Variants in ARL14EP observed in about 807,000 individuals in gnomAD.
ARL14EP encodes the protein ARL14 effector protein.
A neutral mutation model predicts 23.1 loss-of-function variants in ARL14EP; 12 were observed. That is an observed-to-expected ratio of 0.52 (90% CI 0.33 to 0.84). The LOEUF is 0.84. Ranked by LOEUF, ARL14EP falls within the 40% of genes least tolerant of loss-of-function variation. The probability of loss-of-function intolerance (pLI) is 0.02; values close to 1 mark genes in which losing one functional copy is unlikely to be tolerated. For synonymous variants in ARL14EP, 97 were observed against 102.0 expected (o/e 0.95, Z 0.29); for missense variants, 253 against 307.3 (o/e 0.82, Z 1.32).
Position 30,331,722 on chromosome 11 carries a change from C to CAAGG in ARL14EP, c.426+349_426+352dup, listed in dbSNP as rs368076662. On this transcript the variant is annotated intron_variant, in intron 2 of 3. Transcript: ENST00000282032. ...TAACTACACGGGACATGGCAACCAC[C>CAAGG]AAGGGTCTTTGCAGCAGGATGACTT... 7,371 of 1,084,754 alleles carry CAAGG rather than the reference C, an allele frequency of 6.8e-3. 40 individuals carry two copies. The highest frequency in any genetic ancestry group is 7.7e-3 in the Non-Finnish European group (6,906 of 892,568). 67.2% of individuals were successfully genotyped at this position (1,084,754 alleles called of 1,614,324 possible). A position where few individuals can be genotyped will look rare whatever the true frequency, so the allele number is the denominator to read the frequency against.
chr11:30,331,592 A>G, intron 2 of ARL14EP: 5 of 1,402,874 alleles, frequency 3.6e-6, no homozygotes, highest in South Asian at 3.1e-5. Flanking sequence ...TAATAATAAA[A>G]TATGCCTAAG....
At chr11:30,324,382 A>G (rs905999245) in intron 1 of ARL14EP, among the ~76,000 whole-genome samples, 1 of 152,190 alleles carries the variant, frequency 6.6e-6, no homozygotes, top group Non-Finnish European at 1.5e-5. Flanking sequence ...CCCACTAATA[A>G]GGAGACTGGT....
chr11:30,327,414 A>G (rs976377819), intron 1 of ARL14EP, among the ~76,000 whole-genome samples: 3 of 152,218 alleles, frequency 2.0e-5, no homozygotes, highest in Non-Finnish European at 4.4e-5. Flanking sequence ...TATTATTACT[A>G]TGGACAGATA....
rs372940178 is a variant in ARL14EP at position 30,331,276 on chromosome 11, G to T, written c.328G>T (p.Val110Leu). ...FLSAKFGRQL[V>L]PGWKLCPKCT... ...GAGTGCTAAATTTGGAAGACAGCTT[G>T]TACCTGGTTGGAAGCTTTGTCCAAA... The change falls in exon 2 of 4, where the codon GTA becomes TTA. Residue 110 changes from valine (V) to leucine (L), a missense_variant. Coordinates refer to ENST00000282032, the MANE Select transcript of ARL14EP (RefSeq NM_152316.3). The T allele has an allele frequency of 1.2e-6, 2 of 1,613,982 alleles. No homozygotes were observed. Among genetic ancestry groups the T allele is most frequent in the African/African-American group, 1.3e-5 (1 of 75,040 alleles).
chr11:30,329,441 TTCTCCA>T (rs1371790138), intron 1 of ARL14EP: 1 of 152,174 alleles, frequency 6.6e-6, no homozygotes, highest in Admixed American at 6.5e-5. Flanking sequence ...GGAGATATTT[TTCTCCA>T]TCTGACACCC....
At chr11:30,334,112 A>G (rs1947310355) in intron 3 of ARL14EP, among the ~76,000 whole-genome samples, 1 of 152,118 alleles carries the variant, frequency 6.6e-6, no homozygotes, top group Non-Finnish European at 1.5e-5. Flanking sequence ...GTAAGGAAAG[A>G]AGCCATCTCC....
intron 2 of ARL14EP, 189 bp downstream of exon 2, chr11:30,331,563 G>A: frequency 7.0e-7 from 1 of 1,432,776 alleles, no homozygotes; most frequent in Non-Finnish European, 9.1e-7. Flanking sequence ...GGGGGATAAA[G>A]AAAGTAGGCC....
intron 1 of ARL14EP, among the ~76,000 whole-genome samples, chr11:30,325,740 A>C (rs556168930): frequency 4.1e-4 from 63 of 152,352 alleles, no homozygotes; most frequent in Admixed American, 1.2e-3. Flanking sequence ...TAACCAGTTT[A>C]AATGACAATT....
chr11:30,328,795 T>A (rs1048430404), intron 1 of ARL14EP: 1 of 152,076 alleles, frequency 6.6e-6, no homozygotes, highest in Non-Finnish European at 1.5e-5. Flanking sequence ...TTTTTGTTTT[T>A]TTTTTAATTT....
intron 1 of ARL14EP, among the ~76,000 whole-genome samples, chr11:30,326,831 G>C (rs11031049): frequency 2.0e-5 from 2 of 100,180 alleles, no homozygotes; most frequent in Non-Finnish European, 4.0e-5. Context: ...GTTTTACTCA[G>C]GTGTGTGCAG....
In ARL14EP at chr11:30,331,708, G is replaced by A. The variant is rs1947285482; in HGVS notation, c.426+334G>A. The stretch of plus-strand genomic sequence containing the variant: ...TTCTGATACCAAAGTAACTACACGG[G>A]ACATGGCAACCACCAAGGGTCTTTG... On this transcript the variant is annotated intron_variant, in intron 2 of 3. Coordinates refer to ENST00000282032, the MANE Select transcript of ARL14EP (RefSeq NM_152316.3). 15 of 1,123,918 alleles carry A rather than the reference G, an allele frequency of 1.3e-5. 1 individual carries two copies. The highest frequency in any genetic ancestry group is 8.0e-4 in the Middle Eastern group (2 of 2,488). The allele number at this position is 1,123,918 out of a possible 1,614,324, so 69.6% of individuals were successfully genotyped here.
chr11:30,327,144 C>G (rs908409704), intron 1 of ARL14EP, among the ~76,000 whole-genome samples: 2 of 152,152 alleles, frequency 1.3e-5, no homozygotes, highest in Non-Finnish European at 2.9e-5. Context: ...ACAGGACCCA[C>G]CTACTCAGAA....
intron 1 of ARL14EP, among the ~76,000 whole-genome samples, chr11:30,327,828 T>C (rs1162351629): frequency 6.7e-6 from 1 of 150,054 alleles, no homozygotes; most frequent in Non-Finnish European, 1.5e-5. Flanking sequence ...AAGCAAAATT[T>C]AGCCAGGCGT....
At chr11:30,330,764 C>T in intron 1 of ARL14EP, 122 bp from the exon 2 acceptor site, 7 of 611,758 alleles carry the variant, frequency 1.1e-5, no homozygotes, top group Admixed American at 3.1e-5. Flanking sequence ...TATAAGACTT[C>T]GATAAATACC....
rs1590664315 is a variant in ARL14EP, at chr11:30,326,336, C to G, written c.-64+3134C>G. ...ATTTCTACTGAGGTCTCAGCTGATGCCAGTGCTGATTCAGGGAGAGTAAAC... is the reference window on the plus strand; with the variant it reads ...ATTTCTACTGAGGTCTCAGCTGATGGCAGTGCTGATTCAGGGAGAGTAAAC... On this transcript the variant is annotated intron_variant, in intron 1 of 3. Coordinates refer to ENST00000282032, the MANE Select transcript of ARL14EP (RefSeq NM_152316.3). 2.0e-5 allele frequency among the ~76,000 whole-genome samples: 3 copies of G among 152,120 alleles called. No homozygotes were observed. The South Asian group carries it at 6.2e-4, about 32-fold the overall frequency.
rs1310946063 is a variant in ARL14EP at position 30,336,986 on chromosome 11, C to A, written c.*191C>A. ...TTCAGATAGGCTATTTTTCAGTAGT[C>A]AGCGTTAAGCCTGTCTGGATCAATA... On this transcript the variant is annotated 3_prime_UTR_variant, in exon 4 of 4. Coordinates refer to ENST00000282032, the MANE Select transcript of ARL14EP (RefSeq NM_152316.3). 3.2e-6 allele frequency: 2 copies of A among 620,820 alleles called. No homozygotes were observed. The highest frequency in any genetic ancestry group is 5.7e-6 in the Non-Finnish European group (2 of 353,140). 38.5% of individuals were successfully genotyped at this position (620,820 alleles called of 1,614,324 possible). A position where few individuals can be genotyped will look rare whatever the true frequency, so the allele number is the denominator to read the frequency against.
chr11:30,335,943 C>T (rs780123223), intron 3 of ARL14EP, among the ~76,000 whole-genome samples: 25 of 151,948 alleles, frequency 1.6e-4, no homozygotes, highest in Non-Finnish European at 3.2e-4. Flanking sequence ...TTTTACATGT[C>T]TGAAATAGAA....
intron 3 of ARL14EP, among the ~76,000 whole-genome samples, chr11:30,335,846 C>T (rs935287188): frequency 6.6e-6 from 1 of 151,566 alleles, no homozygotes; most frequent in Non-Finnish European, 1.5e-5. Flanking sequence ...ACAATACCTC[C>T]GAAATGTGCC....
At chr11:30,335,663 A>AT (rs1947324955) in intron 3 of ARL14EP, among the ~76,000 whole-genome samples, 1 of 152,156 alleles carries the variant, frequency 6.6e-6, no homozygotes, top group Non-Finnish European at 1.5e-5. Flanking sequence ...GCATTTTTAA[A>AT]TTAAGGTACA....
Sources: allele counts gnomAD v4.1 joint callset (sites outside exome capture counted in the v4.1 genomes callset), GRCh38; gene constraint gnomAD v4.1.1; transcripts MANE v1.5; gene names NCBI Gene and HGNC (gene_info 2026-07-23, HGNC 2026-07-21).